Variants in PPARGC1A observed in about 807,000 individuals in gnomAD.
PPARGC1A encodes the protein PPARG coactivator 1 alpha, also known as peroxisome proliferator-activated receptor gamma coactivator 1-alpha.
In PPARGC1A, 25 loss-of-function variants were observed where a neutral mutation model predicts 88.7. That is an observed-to-expected ratio of 0.28 (90% CI 0.21 to 0.39). The LOEUF (loss-of-function observed/expected upper bound fraction) is 0.39. PPARGC1A is among the 10% of genes least tolerant of loss of function. The pLI, the probability that PPARGC1A is intolerant of heterozygous loss-of-function variation, is 1.00. For missense variants in PPARGC1A, 880 were observed against 968.7 expected (o/e 0.91, Z 1.22); for synonymous variants, 363 against 355.6 (o/e 1.02, Z -0.24).
At chr4:23,858,428 A>G (rs1008062097) in intron 2 of PPARGC1A, among the ~76,000 whole-genome samples, 1 of 152,224 alleles carries the variant, frequency 6.6e-6, no homozygotes, top group Non-Finnish European at 1.5e-5. Context: ...TCATGGTCCT[A>G]CTGCAAGTCA....
chr4:24,317,104 A>C, the PPARGC1A span, among the ~76,000 whole-genome samples: 1 of 152,284 alleles, frequency 6.6e-6, no homozygotes, highest in Non-Finnish European at 1.5e-5. Context: ...ACAGATGAGG[A>C]AGATGAGGCT....
At chr4:24,171,243 TAAA>T in the PPARGC1A span, among the ~76,000 whole-genome samples, 15 of 151,992 alleles carry the variant, frequency 9.9e-5, no homozygotes, top group African/African-American at 3.6e-4. Context: ...CTGTCTCTAC[TAAA>T]AATACAAAAA....
the PPARGC1A span, among the ~76,000 whole-genome samples, chr4:24,168,280 G>A: frequency 6.6e-6 from 1 of 152,176 alleles, no homozygotes; most frequent in Non-Finnish European, 1.5e-5. Flanking sequence ...AGGCTCACAG[G>A]TGAAGTGTCT....
the PPARGC1A span, among the ~76,000 whole-genome samples, chr4:24,450,808 T>C: frequency 1.3e-5 from 2 of 152,068 alleles, no homozygotes; most frequent in South Asian, 2.1e-4. Context: ...GAAAAAAAAA[T>C]AGCTGTTCCA....
chr4:24,450,155 T>C, the PPARGC1A span, among the ~76,000 whole-genome samples: 1 of 152,226 alleles, frequency 6.6e-6, no homozygotes. Context: ...CTGGGTCAAG[T>C]GGACATTATC....
chr4:24,067,691 A>G, the PPARGC1A span, among the ~76,000 whole-genome samples: 3 of 152,166 alleles, frequency 2.0e-5, no homozygotes, highest in Non-Finnish European at 4.4e-5. Flanking sequence ...CTGTCCTCCA[A>G]TTAAACTGAT....
intron 2 of PPARGC1A, among the ~76,000 whole-genome samples, chr4:23,833,654 TATAC>T (rs1449686632): frequency 6.6e-6 from 1 of 152,200 alleles, no homozygotes. Flanking sequence ...CTTTATCACG[TATAC>T]ATTCTATTTT....
chr4:24,091,362 G>T, the PPARGC1A span: 1 of 852,704 alleles, frequency 1.2e-6, no homozygotes, highest in Non-Finnish European at 1.4e-6. Context: ...GGACGTGCTT[G>T]CAGATAGCAC....
the PPARGC1A span, among the ~76,000 whole-genome samples, chr4:23,976,133 G>A: frequency 6.6e-6 from 1 of 152,306 alleles, no homozygotes; most frequent in East Asian, 1.9e-4. Flanking sequence ...GAAAAATGAA[G>A]GGCAGAATGT....
At chr4:24,411,373 G>A in the PPARGC1A span, among the ~76,000 whole-genome samples, 7 of 152,200 alleles carry the variant, frequency 4.6e-5, no homozygotes, top group African/African-American at 1.4e-4. Context: ...TAATTTTAGA[G>A]ATGTTTTAGG....
chr4:23,895,632 G>A (rs568316179), intron 1 of PPARGC1A, among the ~76,000 whole-genome samples: 58 of 152,052 alleles, frequency 3.8e-4, no homozygotes, highest in Middle Eastern at 3.4e-3. Context: ...CAAGACGACC[G>A]CTTCTAGGAT....
chr4:23,832,151 T>C (rs1725117400), intron 2 of PPARGC1A, among the ~76,000 whole-genome samples: 1 of 152,194 alleles, frequency 6.6e-6, no homozygotes, highest in South Asian at 2.1e-4. Context: ...ATATAGTGTT[T>C]GAATCTCCTA....
chr4:24,153,355 T>C, the PPARGC1A span, among the ~76,000 whole-genome samples: 1 of 151,692 alleles, frequency 6.6e-6, no homozygotes, highest in African/African-American at 2.4e-5. Flanking sequence ...TGGCATACTT[T>C]GAAAAAAAAA....
At chr4:24,071,994 T>C in the PPARGC1A span, among the ~76,000 whole-genome samples, 1 of 152,000 alleles carries the variant, frequency 6.6e-6, no homozygotes, top group East Asian at 1.9e-4. Flanking sequence ...ACTTTTATTA[T>C]GGCCTGAAAA....
At chr4:24,181,405 A>G in the PPARGC1A span, among the ~76,000 whole-genome samples, 1 of 152,218 alleles carries the variant, frequency 6.6e-6, no homozygotes, top group Admixed American at 6.5e-5. Flanking sequence ...GCTACCTTGT[A>G]GAGTTGTTGT....
intron 2 of PPARGC1A, among the ~76,000 whole-genome samples, chr4:23,836,016 G>A (rs1725944362): frequency 6.6e-6 from 1 of 152,104 alleles, no homozygotes; most frequent in African/African-American, 2.4e-5. Context: ...CAGGTGACAG[G>A]GTATAGAAAC....
In PPARGC1A at chr4:23,890,007, G is replaced by A; in HGVS notation, c.-50C>T. 6.2e-7 allele frequency: 1 copy of A among 1,611,302 alleles called. No individual in the cohort carries two copies. Among genetic ancestry groups the A allele is most frequent in the East Asian group, 2.2e-5 (1 of 44,842 alleles). ...AGCTTTTTCAACTCCAATCCACAGT[G>A]ACACAGAGCACACACTCATGCAGGC... On this transcript the variant is annotated 5_prime_UTR_variant, in exon 1 of 13. Coordinates refer to ENST00000264867, the MANE Select transcript of PPARGC1A (RefSeq NM_013261.5).
At chr4:23,916,995 C>T in the PPARGC1A span, among the ~76,000 whole-genome samples, 433 of 152,222 alleles carry the variant, frequency 2.8e-3, 1 homozygote, top group African/African-American at 0.01. Context: ...TGGACTATTC[C>T]CAAGAGCCTG....
At chr4:24,460,387 A>T in the PPARGC1A span, among the ~76,000 whole-genome samples, 2 of 152,206 alleles carry the variant, frequency 1.3e-5, no homozygotes, top group African/African-American at 4.8e-5. Context: ...CCAAAACATC[A>T]TCATACTTGA....
Sources: allele counts gnomAD v4.1 joint callset (sites outside exome capture counted in the v4.1 genomes callset), GRCh38; gene constraint gnomAD v4.1.1; transcripts MANE v1.5; gene names NCBI Gene and HGNC (gene_info 2026-07-23, HGNC 2026-07-21).